Variants in SYT1 observed in about 807,000 individuals in gnomAD.
The protein encoded by SYT1 is synaptotagmin-1.
SYT1 carries 8 observed loss-of-function variants against 44.8 expected under a neutral mutation model. The observed-to-expected ratio is 0.18, with a 90% CI of 0.10 to 0.32. The LOEUF (loss-of-function observed/expected upper bound fraction) is 0.32. SYT1 is among the 10% of genes least tolerant of loss of function. The probability of loss-of-function intolerance (pLI) is 1.00; values close to 1 mark genes in which losing one functional copy is unlikely to be tolerated. For missense variants in SYT1, 286 were observed against 509.3 expected, an observed-to-expected ratio of 0.56 and a Z score of 4.22; for synonymous variants, 154 against 188.8, an observed-to-expected ratio of 0.82 and a Z score of 1.51.
chr12:78,984,506 A>T (rs1003307466), intron 2 of SYT1, among the ~76,000 whole-genome samples: 1 of 151,942 alleles, frequency 6.6e-6, no homozygotes, highest in Non-Finnish European at 1.5e-5. Context: ...TATGATGAGG[A>T]TTTAATATCC....
chr12:79,114,148 G>A (rs928579934), intron 3 of SYT1, among the ~76,000 whole-genome samples: 1 of 152,132 alleles, frequency 6.6e-6, no homozygotes, highest in African/African-American at 2.4e-5. Context: ...GTGGATAAAG[G>A]TAGTTCTGTG....
intron 3 of SYT1, among the ~76,000 whole-genome samples, chr12:79,117,715 A>AT (rs59651655): frequency 1.5e-4 from 17 of 113,532 alleles, no homozygotes; most frequent in Non-Finnish European, 2.0e-4. Flanking sequence ...ATATATATAT[A>AT]AAATAAATAG....
chr12:79,417,724 T>C lies in SYT1; in HGVS notation c.929-26349T>C, dbSNP rs548109054. On this transcript the variant is annotated intron_variant, in intron 9 of 10. Transcript: ENST00000261205. The stretch of plus-strand genomic sequence containing the variant: ...CTATGCTCCAGCAGTAATAACACTA[T>C]GCATTCACACAGGGGAGGTTTTGTG... Among the ~76,000 whole-genome samples, 4 of 152,254 alleles carry C rather than the reference T, an allele frequency of 2.6e-5. No homozygotes were observed. The East Asian group carries it at 7.7e-4, about 29-fold the overall frequency.
At chr12:79,162,914 A>G (rs1871036197) in intron 3 of SYT1, among the ~76,000 whole-genome samples, 1 of 152,124 alleles carries the variant, frequency 6.6e-6, no homozygotes, top group South Asian at 2.1e-4. Context: ...AGCTTCAAGT[A>G]TAAGGATCTA....
intron 3 of SYT1, among the ~76,000 whole-genome samples, chr12:79,189,404 T>C (rs1872983967): frequency 6.6e-6 from 1 of 152,298 alleles, no homozygotes; most frequent in African/African-American, 2.4e-5. Flanking sequence ...ATTGTTTGAT[T>C]CAGAGGTATG....
At chr12:79,349,004 AAAGAAAG>A (rs2135994527) in intron 8 of SYT1, among the ~76,000 whole-genome samples, 1 of 26,668 alleles carries the variant, frequency 3.7e-5, no homozygotes, top group Admixed American at 3.2e-4. Flanking sequence ...AGAAGGAAAG[AAAGAAAG>A]AAAGAAAGAA....
At chr12:79,346,296 T>C (rs1882602745) in intron 8 of SYT1, among the ~76,000 whole-genome samples, 1 of 152,214 alleles carries the variant, frequency 6.6e-6, no homozygotes, top group Non-Finnish European at 1.5e-5. Flanking sequence ...AATCATTAAT[T>C]TGTGTCTATT....
intron 3 of SYT1, among the ~76,000 whole-genome samples, chr12:79,180,016 T>C (rs12302781): frequency 0.72 from 109,845 of 151,860 alleles, 40,468 homozygotes; most frequent in African/African-American, 0.83. Context: ...GCTATAATGA[T>C]GTACTTTGTG....
chr12:78,925,336 T>G (rs1877242754), intron 1 of SYT1, among the ~76,000 whole-genome samples: 1 of 151,980 alleles, frequency 6.6e-6, no homozygotes, highest in Non-Finnish European at 1.5e-5. Context: ...AGCTACTCAC[T>G]AGAATTGAAT....
At chr12:78,893,031 A>G (rs1875143380) in intron 1 of SYT1, among the ~76,000 whole-genome samples, 1 of 151,860 alleles carries the variant, frequency 6.6e-6, no homozygotes, top group Admixed American at 6.6e-5. Context: ...GGCCTTTGCC[A>G]TCAAAAATAT....
chr12:79,275,727 G>C (rs1878680090), intron 4 of SYT1, among the ~76,000 whole-genome samples: 1 of 152,178 alleles, frequency 6.6e-6, no homozygotes, highest in South Asian at 2.1e-4. Flanking sequence ...AGCTGCTTCA[G>C]CCACAGGCAG....
At chr12:78,931,224 A>AAAGAAAGGAAGG (rs1877652320) in intron 1 of SYT1, among the ~76,000 whole-genome samples, 1 of 61,010 alleles carries the variant, frequency 1.6e-5, no homozygotes, top group Admixed American at 2.0e-4. Context: ...AGAAAGAAAG[A>AAAGAAAGGAAGG]AAGAAAGAAA....
intron 4 of SYT1, among the ~76,000 whole-genome samples, chr12:79,230,845 C>T (rs1335597959): frequency 6.6e-6 from 1 of 152,166 alleles, no homozygotes; most frequent in Non-Finnish European, 1.5e-5. Flanking sequence ...TAAGAAAACA[C>T]ACCTGAGGAA....
intron 4 of SYT1, among the ~76,000 whole-genome samples, chr12:79,244,620 C>T (rs1876710405): frequency 2.0e-5 from 3 of 151,586 alleles, no homozygotes; most frequent in East Asian, 2.0e-4. Context: ...AGAAGAATTG[C>T]TTGAACCCAG....
chr12:79,067,170 T>C (rs1450130364), intron 3 of SYT1, among the ~76,000 whole-genome samples: 1 of 152,184 alleles, frequency 6.6e-6, no homozygotes, highest in Non-Finnish European at 1.5e-5. Flanking sequence ...TCTTTTAATT[T>C]GTTGAAATGT....
chr12:79,296,930 T>C (rs1879902184), intron 7 of SYT1, among the ~76,000 whole-genome samples: 1 of 152,158 alleles, frequency 6.6e-6, no homozygotes, highest in African/African-American at 2.4e-5. Flanking sequence ...ATTCTTTTGG[T>C]GGATATCTTT....
At chr12:79,061,866 G>A (rs1032783859) in intron 3 of SYT1, among the ~76,000 whole-genome samples, 1 of 152,108 alleles carries the variant, frequency 6.6e-6, no homozygotes, top group African/African-American at 2.4e-5. Context: ...TTATCTCTTA[G>A]CAGTGGAAAA....
At chr12:79,293,716 A>C (rs922966090) in intron 6 of SYT1, among the ~76,000 whole-genome samples, 2 of 152,216 alleles carry the variant, frequency 1.3e-5, no homozygotes, top group Non-Finnish European at 2.9e-5. Context: ...TTCACTTTCT[A>C]AAGTTTCCAG....
chr12:79,125,618 AAAAAAAAAAAGAAAAAAAG>A (rs1407250326), intron 3 of SYT1, among the ~76,000 whole-genome samples: 1 of 132,928 alleles, frequency 7.5e-6, no homozygotes, highest in African/African-American at 2.7e-5. Context: ...AGCCCCTGTC[AAAAAAAAAAAGAAAAAAAG>A]AAAAAAAAAG....
Sources: allele counts gnomAD v4.1 joint callset (sites outside exome capture counted in the v4.1 genomes callset), GRCh38; gene constraint gnomAD v4.1.1; transcripts MANE v1.5; gene names NCBI Gene and HGNC (gene_info 2026-07-23, HGNC 2026-07-21).